The following CENATAC variants were observed in gnomAD, a reference collection of about 807,000 sequenced individuals.
The protein encoded by CENATAC is centrosomal AT-AC splicing factor.
In CENATAC, 53 loss-of-function variants were observed where a neutral mutation model predicts 53.7. That is an observed-to-expected ratio of 0.99 (90% CI 0.79 to 1.24). The LOEUF (loss-of-function observed/expected upper bound fraction) is 1.24, where lower values mean the gene tolerates loss of function less well. Ranked by LOEUF, CENATAC falls within the 50% of genes most tolerant of loss-of-function variation. CENATAC has a pLI of 0.00. For synonymous variants in CENATAC, 156 were observed against 144.6 expected (o/e 1.08, Z -0.57); for missense variants, 474 against 417.8 (o/e 1.13, Z -1.17).
chr11:119,011,396 C>G, intron 5 of CENATAC, 113 bp downstream of exon 5: 1 of 989,902 alleles, frequency 1.0e-6, no homozygotes, highest in South Asian at 1.5e-5. Context: ...TTTTTGGAGA[C>G]AGAGTTTCGC....
At position 119,014,674 on chromosome 11, in the gene CENATAC, T is replaced by G. The variant is rs58138462; in HGVS notation, c.716-320T>G. The G allele has an allele frequency of 7.6e-3, 1,452 of 191,572 alleles. 25 individuals are homozygous for G. Among genetic ancestry groups the G allele is most frequent in the African/African-American group, 0.032 (1,353 of 42,924 alleles). The allele number at this position is 191,572 out of a possible 1,614,324, so 11.9% of individuals were successfully genotyped here. A position where few individuals can be genotyped will look rare whatever the true frequency, so the allele number is the denominator to read the frequency against. ...TGAAAGATCACCGATTGCCTGGACA[T>G]GAAAATATTTTAATGGGGGCAGTGA... On this transcript the variant is annotated intron_variant, in intron 8 of 10. Coordinates refer to ENST00000334418, the MANE Select transcript of CENATAC (RefSeq NM_198489.3).
chr11:119,012,518 T>C (rs1942917216), intron 7 of CENATAC: 1 of 347,760 alleles, frequency 2.9e-6, no homozygotes, highest in Non-Finnish European at 5.4e-6. Context: ...GGACATTAAA[T>C]ATCCCACAGG....
At position 119,010,408 on chromosome 11, in the gene CENATAC, T is replaced by A. The variant is rs960235035; in HGVS notation, c.384-356T>A. On this transcript the variant is annotated intron_variant, in intron 3 of 10. Coordinates refer to ENST00000334418, the MANE Select transcript of CENATAC (RefSeq NM_198489.3). ...CTCAAGTCTGAAGACATGTAAACCA[T>A]GTCTATACTAACCAGCCAAATATTT... 4 of 237,198 alleles carry A rather than the reference T, an allele frequency of 1.7e-5. No homozygotes were observed. The East Asian group carries it at 3.5e-4, about 21-fold the overall frequency. 14.7% of individuals were successfully genotyped at this position (237,198 alleles called of 1,614,324 possible). A position where few individuals can be genotyped will look rare whatever the true frequency, so the allele number is the denominator to read the frequency against.
chr11:119,014,958 T>TAAAAAAA (rs10680026), intron 8 of CENATAC, 36 bp from the exon 9 acceptor site: 21 of 1,170,308 alleles, frequency 1.8e-5, no homozygotes, highest in East Asian at 5.0e-5. Context: ...CCTGAAGACT[T>TAAAAAAA]AAAAAAAAAA....
chr11:119,004,622 A>G (rs1942486047), intron 3 of CENATAC: 1 of 152,478 alleles, frequency 6.6e-6, no homozygotes, highest in African/African-American at 2.4e-5. Context: ...AGGCTAGCCT[A>G]TAGTCCTACT....
chr11:119,015,784 G>C lies in CENATAC; in HGVS notation c.*186G>C. The C allele has an allele frequency of 3.0e-6, 4 of 1,349,392 alleles. No individual in the cohort carries two copies. In the Admixed American group the frequency reaches 7.5e-5, roughly 25 times the overall value. The allele number at this position is 1,349,392 out of a possible 1,614,324, so 83.6% of individuals were successfully genotyped here. A position where few individuals can be genotyped will look rare whatever the true frequency, so the allele number is the denominator to read the frequency against. On this transcript the variant is annotated 3_prime_UTR_variant, in exon 11 of 11. Transcript: ENST00000334418. ...CTGTAAAAAAAAATTAAAAGAATCA[G>C]AACCATAAAGCTTTGTATCTACCTC...
At chr11:119,001,083 C>T (rs936737092) in intron 3 of CENATAC, among the ~76,000 whole-genome samples, 4 of 152,086 alleles carry the variant, frequency 2.6e-5, no homozygotes, top group East Asian at 1.9e-4. Context: ...ATAGGTCCCA[C>T]GTTACTATTT....
intron 5 of CENATAC, among the ~76,000 whole-genome samples, chr11:119,011,552 T>C (rs1371745301): frequency 6.6e-6 from 1 of 152,294 alleles, no homozygotes; most frequent in Non-Finnish European, 1.5e-5. Context: ...CTAATTTTTA[T>C]ATTTTTAATA....
chr11:119,014,660 C>T (rs80296989), intron 8 of CENATAC: 2,218 of 177,956 alleles, frequency 0.012, 44 homozygotes, highest in East Asian at 0.049. Context: ...GAAAGATCAC[C>T]GATTGCCTGG....
chr11:119,000,707 A>C (rs1461064588), intron 3 of CENATAC, among the ~76,000 whole-genome samples: 3 of 151,916 alleles, frequency 2.0e-5, no homozygotes, highest in Non-Finnish European at 4.4e-5. Context: ...CAGTGAGCCG[A>C]GATCGCACCA....
chr11:119,014,556 AGAGC>A (rs1336130675), intron 8 of CENATAC: 1 of 152,928 alleles, frequency 6.5e-6, no homozygotes, highest in African/African-American at 2.4e-5. Flanking sequence ...AGCCTGGGCT[AGAGC>A]GAGACTCCTC....
chr11:119,001,343 G>A (rs988199456), intron 3 of CENATAC, among the ~76,000 whole-genome samples: 8 of 151,988 alleles, frequency 5.3e-5, no homozygotes, highest in African/African-American at 1.2e-4. Flanking sequence ...TCTTGACCGC[G>A]AATGTCACCA....
At position 118,998,582 on chromosome 11, in the gene CENATAC, G is replaced by A; in HGVS notation, c.273G>A (p.Glu91=). The A allele has an allele frequency of 6.4e-7, 1 of 1,564,624 alleles. No individual in the cohort carries two copies. The highest frequency in any genetic ancestry group is 1.2e-5 in the South Asian group (1 of 85,794). ...NLTVLYGGLL[E]HLASPEHKKA... is the part of the protein sequence containing the mutation. ...CGGTGCTGTACGGGGGGCTGCTGGA[G>A]CATCTGGCCAGGTGAGAGCCGAGCT... is the stretch of plus-strand genomic sequence containing the variant. The change falls in exon 2 of 11, where the codon GAG becomes GAA. Residue 91 remains glutamate (E), a synonymous_variant. Coordinates refer to ENST00000334418, the MANE Select transcript of CENATAC (RefSeq NM_198489.3).
intron 8 of CENATAC, among the ~76,000 whole-genome samples, chr11:119,013,564 C>T (rs1343681209): frequency 6.6e-6 from 1 of 150,550 alleles, no homozygotes; most frequent in Non-Finnish European, 1.5e-5. Context: ...CCCGGGTTCA[C>T]GCCATTCTCC....
rs782658942 is a variant in CENATAC at position 119,015,632 on chromosome 11, G to C, written c.*34G>C. ...TCTACCAACTACCATGAGGCTAAAA[G>C]CAAAGTCAACAAACCCCTATTATAC... On this transcript the variant is annotated 3_prime_UTR_variant, in exon 11 of 11. Coordinates refer to ENST00000334418, the MANE Select transcript of CENATAC (RefSeq NM_198489.3). 1 of 1,610,824 alleles carries C rather than the reference G, an allele frequency of 6.2e-7. No homozygotes were observed. Among genetic ancestry groups the C allele is most frequent in the South Asian group, 1.1e-5 (1 of 90,984 alleles).
intron 3 of CENATAC, among the ~76,000 whole-genome samples, chr11:119,004,148 C>T (rs1016791649): frequency 2.0e-5 from 3 of 152,052 alleles, no homozygotes; most frequent in Non-Finnish European, 4.4e-5. Flanking sequence ...GTACTCTGCT[C>T]ATTCTTTCAT....
intron 3 of CENATAC, chr11:119,001,813 T>C (rs1942312421): frequency 2.6e-6 from 1 of 381,166 alleles, no homozygotes; most frequent in Admixed American, 3.0e-5. Flanking sequence ...TCCTAGCTAC[T>C]CAGGAGGCTG....
intron 3 of CENATAC, among the ~76,000 whole-genome samples, chr11:119,002,390 G>A (rs1240056077): frequency 6.7e-6 from 1 of 149,598 alleles, no homozygotes; most frequent in Non-Finnish European, 1.5e-5. Flanking sequence ...CCAGGCTGGA[G>A]TGCAGTGGCA....
At chr11:119,012,334 T>C in intron 7 of CENATAC, 80 bp downstream of exon 7, 1 of 1,480,818 alleles carries the variant, frequency 6.8e-7, no homozygotes, top group Non-Finnish European at 9.2e-7. Context: ...TTCTACCTAT[T>C]CAAGCCACTG....
Sources: gnomAD v4.1 joint callset for allele counts (sites outside exome capture counted in the v4.1 genomes callset) on GRCh38, gnomAD v4.1.1 for gene constraint, MANE v1.5 for transcripts, NCBI Gene and HGNC (gene_info 2026-07-23, HGNC 2026-07-21) for gene names.